Variants in TPST1 observed in about 807,000 individuals in gnomAD.
The protein encoded by TPST1 is tyrosylprotein sulfotransferase 1.
In TPST1, 20 loss-of-function variants were observed where a neutral mutation model predicts 34.8. The ratio of observed to expected loss-of-function variants is 0.57; its 90% CI spans 0.40 to 0.84. The LOEUF is 0.84. TPST1 is among the 40% of genes least tolerant of loss of function. TPST1 has a pLI of 0.00. For missense variants in TPST1, 353 were observed against 455.5 expected (o/e 0.78, Z 2.05); for synonymous variants, 152 against 159.4 (o/e 0.95, Z 0.35).
At chr7:66,345,544 A>G (rs933427257) in intron 3 of TPST1, among the ~76,000 whole-genome samples, 1 of 150,314 alleles carries the variant, frequency 6.7e-6, no homozygotes, top group Non-Finnish European at 1.5e-5. Context: ...GTACCCAGGC[A>G]CCTAGGCATA....
At chr7:66,280,464 A>C (rs1337464723) in intron 2 of TPST1, among the ~76,000 whole-genome samples, 1 of 152,160 alleles carries the variant, frequency 6.6e-6, no homozygotes, top group Admixed American at 6.5e-5. Flanking sequence ...TTGTACAATG[A>C]TTTTGTATCC....
intron 3 of TPST1, among the ~76,000 whole-genome samples, chr7:66,351,593 A>C (rs1454693595): frequency 6.6e-6 from 1 of 152,032 alleles, no homozygotes; most frequent in Non-Finnish European, 1.5e-5. Flanking sequence ...TTATTCTTTT[A>C]AAACTACCTT....
At chr7:66,244,324 G>C (rs1298400363) in intron 2 of TPST1, among the ~76,000 whole-genome samples, 1 of 152,084 alleles carries the variant, frequency 6.6e-6, no homozygotes, top group Non-Finnish European at 1.5e-5. Flanking sequence ...TAAATATTTA[G>C]GCAGCCTTGA....
intron 2 of TPST1, among the ~76,000 whole-genome samples, chr7:66,277,310 A>G (rs1001044797): frequency 2.0e-5 from 3 of 152,094 alleles, no homozygotes; most frequent in African/African-American, 4.8e-5. Context: ...TCTCAAATAG[A>G]TCTGCTCTGA....
At chr7:66,327,483 G>A (rs1791891152) in intron 3 of TPST1, among the ~76,000 whole-genome samples, 2 of 152,170 alleles carry the variant, frequency 1.3e-5, no homozygotes, top group African/African-American at 4.8e-5. Context: ...AGCACTTTGG[G>A]AGGCCAAGGT....
intron 3 of TPST1, among the ~76,000 whole-genome samples, chr7:66,331,179 T>A (rs1791988931): frequency 6.6e-6 from 1 of 152,206 alleles, no homozygotes; most frequent in Non-Finnish European, 1.5e-5. Context: ...GCAGCTGGCC[T>A]ACCTCAGAGC....
At chr7:66,307,874 C>T (rs548524734) in intron 3 of TPST1, among the ~76,000 whole-genome samples, 19 of 152,194 alleles carry the variant, frequency 1.2e-4, no homozygotes, top group Non-Finnish European at 2.2e-4. Context: ...TTATTGAGAG[C>T]CTCCTCTGCT....
chr7:66,232,021 GT>G (rs1428080650), intron 1 of TPST1, among the ~76,000 whole-genome samples: 1 of 152,066 alleles, frequency 6.6e-6, no homozygotes, highest in African/African-American at 2.4e-5. Flanking sequence ...ACCACATTTT[GT>G]TTATCCATTT....
At chr7:66,356,511 G>T (rs1275619265) in intron 4 of TPST1, among the ~76,000 whole-genome samples, 1 of 152,186 alleles carries the variant, frequency 6.6e-6, no homozygotes, top group Non-Finnish European at 1.5e-5. Context: ...CCCAGCCCCT[G>T]ATCCCATGGT....
chr7:66,326,351 T>A (rs1791867034), intron 3 of TPST1, among the ~76,000 whole-genome samples: 1 of 152,196 alleles, frequency 6.6e-6, no homozygotes, highest in African/African-American at 2.4e-5. Context: ...GAGATGGCGC[T>A]ACTGTATTCT....
chr7:66,300,012 G>A (rs1791282085), intron 3 of TPST1, among the ~76,000 whole-genome samples: 1 of 152,044 alleles, frequency 6.6e-6, no homozygotes, highest in South Asian at 2.1e-4. Flanking sequence ...GTCTGTAGTA[G>A]CATTGTGTCA....
intron 2 of TPST1, among the ~76,000 whole-genome samples, chr7:66,256,452 G>A (rs10282433): frequency 0.65 from 98,257 of 152,068 alleles, 32,109 homozygotes; most frequent in African/African-American, 0.74. Context: ...ATCAGGGCTC[G>A]ACTGGGGAAG....
chr7:66,305,130 A>G (rs540165046), intron 3 of TPST1, among the ~76,000 whole-genome samples: 4 of 152,280 alleles, frequency 2.6e-5, no homozygotes, highest in African/African-American at 7.2e-5. Flanking sequence ...GAGTCAATAC[A>G]CCTTATATTA....
intron 3 of TPST1, among the ~76,000 whole-genome samples, chr7:66,304,710 A>G (rs1433198609): frequency 6.6e-6 from 1 of 152,146 alleles, no homozygotes; most frequent in Non-Finnish European, 1.5e-5. Context: ...TGTATTTCAT[A>G]TTGTGCTTTG....
At chr7:66,222,471 T>A (rs1044285525) in intron 1 of TPST1, among the ~76,000 whole-genome samples, 8 of 152,166 alleles carry the variant, frequency 5.3e-5, no homozygotes, top group African/African-American at 1.9e-4. Flanking sequence ...GGGTTTTAAT[T>A]TGTGATTTAA....
Position 66,328,011 on chromosome 7 carries a change from C to CTTTTTTT in TPST1, c.1045-24472_1045-24466dup, listed in dbSNP as rs35582736. Among the ~76,000 whole-genome samples, 56 of 39,514 alleles carry CTTTTTTT rather than the reference C, an allele frequency of 1.4e-3. 3 individuals are homozygous for CTTTTTTT. The highest frequency in any genetic ancestry group is 2.4e-3 in the East Asian group (3 of 1,250). 25.9% of individuals were successfully genotyped at this position (39,514 alleles called of 152,430 possible). A position where few individuals can be genotyped will look rare whatever the true frequency, so the allele number is the denominator to read the frequency against. Reference sequence around the variant, plus strand: ...TTTTCTTTCTTTTTTTTTTCCTTTCCTTTTTTTTTTTTTTTTTTTTTTTTT... The same window carrying CTTTTTTT: ...TTTTCTTTCTTTTTTTTTTCCTTTCCTTTTTTTTTTTTTTTTTTTTTTTTTTTTTTTT... On this transcript the variant is annotated intron_variant, in intron 3 of 5. Transcript: ENST00000304842.
chr7:66,244,309 A>G (rs1405878759), intron 2 of TPST1, among the ~76,000 whole-genome samples: 1 of 152,172 alleles, frequency 6.6e-6, no homozygotes, highest in African/African-American at 2.4e-5. Context: ...TAGTATTACA[A>G]TACTTAAATA....
chr7:66,271,555 C>A (rs1790705697), intron 2 of TPST1, among the ~76,000 whole-genome samples: 1 of 152,168 alleles, frequency 6.6e-6, no homozygotes, highest in Non-Finnish European at 1.5e-5. Flanking sequence ...CCCTGGTAAC[C>A]ACCATCCTAC....
chr7:66,314,984 A>AATGGT (rs1309398360), intron 3 of TPST1, among the ~76,000 whole-genome samples: 6 of 152,168 alleles, frequency 3.9e-5, no homozygotes. Context: ...TACCCACACC[A>AATGGT]ATGGTACAGT....
Sources: gnomAD v4.1 joint callset for allele counts (sites outside exome capture counted in the v4.1 genomes callset) on GRCh38, gnomAD v4.1.1 for gene constraint, MANE v1.5 for transcripts, NCBI Gene and HGNC (gene_info 2026-07-23, HGNC 2026-07-21) for gene names.